SBF2: variants seen among roughly 807,000 people sequenced by gnomAD.
SBF2 encodes SET binding factor 2.
SBF2 carries 112 observed loss-of-function variants against 225.2 expected under a neutral mutation model. The ratio of observed to expected loss-of-function variants is 0.50; its 90% CI spans 0.43 to 0.58. The LOEUF (loss-of-function observed/expected upper bound fraction) is 0.58, where lower values mean the gene tolerates loss of function less well. Ranked by LOEUF, SBF2 falls within the 20% of genes least tolerant of loss-of-function variation. The pLI is 0.00. For missense variants in SBF2, 1,996 were observed against 2,206.2 expected (o/e 0.90, Z 1.91); for synonymous variants, 763 against 773.3 (o/e 0.99, Z 0.22).
At chr11:9,914,853 ATG>A (rs1862940238) in intron 16 of SBF2, among the ~76,000 whole-genome samples, 1 of 142,842 alleles carries the variant, frequency 7.0e-6, no homozygotes, top group Non-Finnish European at 1.5e-5. Flanking sequence ...TGATGTGTTA[ATG>A]TAGGTTCACC....
At chr11:9,995,825 CTT>C (rs71034750) in intron 9 of SBF2, among the ~76,000 whole-genome samples, 3 of 137,316 alleles carry the variant, frequency 2.2e-5, no homozygotes, top group Admixed American at 7.3e-5. Context: ...AATTTTTTGT[CTT>C]TTTTTTTTTT....
intron 2 of SBF2, among the ~76,000 whole-genome samples, chr11:10,046,734 C>A (rs1432703231): frequency 6.6e-6 from 1 of 151,764 alleles, no homozygotes; most frequent in Non-Finnish European, 1.5e-5. Context: ...ATGCCCCTTT[C>A]ACCACTGCTT....
At chr11:10,182,322 T>C (rs1201379360) in intron 2 of SBF2, among the ~76,000 whole-genome samples, 1 of 152,150 alleles carries the variant, frequency 6.6e-6, no homozygotes. Context: ...AGAGAGATGG[T>C]GTTCTCTCAA....
rs776878943 is a variant in SBF2, at chr11:9,839,491, C to T, written c.3455+7G>A. 3 of 1,613,824 alleles carry T rather than the reference C, an allele frequency of 1.9e-6. No homozygotes were observed. The highest frequency in any genetic ancestry group is 2.5e-6 in the Non-Finnish European group (3 of 1,179,820). On this transcript the variant is annotated splice_region_variant and intron_variant, in intron 26 of 39. Coordinates refer to ENST00000256190, the MANE Select transcript of SBF2 (RefSeq NM_030962.4). ...GACCTCTTTTTGGAGCCCACTGACA[C>T]ACTTACCTCCGGCAGAGTGAATACA...
chr11:9,877,426 T>C (rs1859348173), intron 17 of SBF2, among the ~76,000 whole-genome samples: 1 of 152,212 alleles, frequency 6.6e-6, no homozygotes, highest in African/African-American at 2.4e-5. Flanking sequence ...CTTTAAGTTC[T>C]AGGGTACATG....
intron 12 of SBF2, among the ~76,000 whole-genome samples, chr11:9,990,931 T>C (rs912494138): frequency 6.6e-6 from 1 of 152,156 alleles, no homozygotes; most frequent in Non-Finnish European, 1.5e-5. Flanking sequence ...ATAGAGGCTG[T>C]GGCAAGCAAG....
At chr11:10,240,289 T>C (rs1326901281) in intron 1 of SBF2, among the ~76,000 whole-genome samples, 1 of 151,204 alleles carries the variant, frequency 6.6e-6, no homozygotes, top group Non-Finnish European at 1.5e-5. Context: ...GATAACCTGT[T>C]AAGGCTGTCT....
intron 16 of SBF2, among the ~76,000 whole-genome samples, chr11:9,926,302 T>A (rs574973839): frequency 1.3e-5 from 2 of 152,136 alleles, no homozygotes; most frequent in Non-Finnish European, 2.9e-5. Flanking sequence ...AAAATTGAAG[T>A]TTAGCCTTAA....
At chr11:10,017,825 T>C (rs1463445395) in intron 6 of SBF2, among the ~76,000 whole-genome samples, 4 of 152,106 alleles carry the variant, frequency 2.6e-5, no homozygotes, top group African/African-American at 9.7e-5. Context: ...CTAAAAATAA[T>C]TCAAATACAT....
intron 13 of SBF2, among the ~76,000 whole-genome samples, chr11:9,981,930 C>A (rs1027625780): frequency 6.6e-6 from 1 of 152,158 alleles, no homozygotes; most frequent in Non-Finnish European, 1.5e-5. Context: ...TTCCGACTTA[C>A]TTTACTTTTC....
chr11:10,074,258 C>T (rs972628504), intron 2 of SBF2, among the ~76,000 whole-genome samples: 3 of 152,108 alleles, frequency 2.0e-5, no homozygotes, highest in Non-Finnish European at 4.4e-5. Flanking sequence ...AACAAGAAAA[C>T]CAAGAGAACC....
intron 16 of SBF2, chr11:9,958,544 G>C (rs564866157): frequency 9.7e-5 from 16 of 165,362 alleles, no homozygotes; most frequent in Non-Finnish European, 1.6e-4. Flanking sequence ...ATTTTTAGTA[G>C]AGACGGGGTT....
intron 16 of SBF2, among the ~76,000 whole-genome samples, chr11:9,952,128 T>C (rs549427874): frequency 6.6e-6 from 1 of 152,366 alleles, no homozygotes; most frequent in African/African-American, 2.4e-5. Flanking sequence ...GAAAGCCCAC[T>C]GGCATTCTCA....
At chr11:9,882,579 C>T (rs146114662) in intron 17 of SBF2, among the ~76,000 whole-genome samples, 7,026 of 152,036 alleles carry the variant, frequency 0.046, 228 homozygotes, top group Non-Finnish European at 0.073. Context: ...GAGGCCAAGG[C>T]GGGCGGATCA....
intron 21 of SBF2, among the ~76,000 whole-genome samples, chr11:9,850,480 A>G (rs2133983020): frequency 6.6e-6 from 1 of 151,968 alleles, no homozygotes; most frequent in Non-Finnish European, 1.5e-5. Context: ...CTGGTCTCAA[A>G]CTCCTGGCCT....
At chr11:9,806,892 T>A (rs1225236361) in intron 32 of SBF2, among the ~76,000 whole-genome samples, 2 of 152,188 alleles carry the variant, frequency 1.3e-5, no homozygotes. Flanking sequence ...AATTGTATGA[T>A]ATATATAGTT....
chr11:10,304,504 A>C (rs187612045), exon 1 of SBF2, among the ~76,000 whole-genome samples: 4 of 152,310 alleles, frequency 2.6e-5, no homozygotes, highest in African/African-American at 7.2e-5. Context: ...GCTCACCCCG[A>C]AACGCCGGGG....
intron 2 of SBF2, among the ~76,000 whole-genome samples, chr11:10,155,357 G>C (rs1172189727): frequency 6.6e-6 from 1 of 151,944 alleles, no homozygotes; most frequent in Non-Finnish European, 1.5e-5. Flanking sequence ...TAACACTGTT[G>C]CCATGCTCTG....
intron 21 of SBF2, among the ~76,000 whole-genome samples, chr11:9,852,420 C>T (rs1043699408): frequency 4.6e-5 from 7 of 152,112 alleles, no homozygotes; most frequent in Admixed American, 3.9e-4. Flanking sequence ...CTAATTTATG[C>T]CCTGCCTATA....
Sources: gnomAD v4.1 joint callset for allele counts (sites outside exome capture counted in the v4.1 genomes callset) on GRCh38, gnomAD v4.1.1 for gene constraint, MANE v1.5 for transcripts, NCBI Gene and HGNC (gene_info 2026-07-23, HGNC 2026-07-21) for gene names.